The following BCAS1 variants were observed in gnomAD, a reference collection of about 807,000 sequenced individuals.
BCAS1 encodes brain enriched myelin associated protein 1.
BCAS1 carries 46 observed loss-of-function variants against 65.4 expected under a neutral mutation model. The ratio of observed to expected loss-of-function variants is 0.70; its 90% CI spans 0.55 to 0.90. The LOEUF (loss-of-function observed/expected upper bound fraction) is 0.90, where lower values mean the gene tolerates loss of function less well. Among genes scored for constraint, BCAS1 ranks in the 40% least tolerant of loss-of-function variants. The pLI is 0.00. For synonymous variants in BCAS1, 298 were observed against 293.5 expected, an observed-to-expected ratio of 1.02 and a Z score of -0.16; for missense variants, 793 against 771.2, an observed-to-expected ratio of 1.03 and a Z score of -0.33.
intron 4 of BCAS1, among the ~76,000 whole-genome samples, chr20:54,025,964 C>A (rs999305640): frequency 6.6e-6 from 1 of 152,146 alleles, no homozygotes; most frequent in Non-Finnish European, 1.5e-5. Context: ...ATCTGAATAT[C>A]CATAAGTTCA....
chr20:54,015,263 C>T lies in BCAS1; in HGVS notation c.723+13129G>A, dbSNP rs192207501. Among the ~76,000 whole-genome samples, 324 of 152,062 alleles carry T rather than the reference C, an allele frequency of 2.1e-3. 2 individuals carry two copies. Among genetic ancestry groups the T allele is most frequent in the African/African-American group, 7.6e-3 (315 of 41,470 alleles). On this transcript the variant is annotated intron_variant, in intron 4 of 12. Coordinates refer to ENST00000688948, the MANE Select transcript of BCAS1 (RefSeq NM_001366298.2). Reference sequence around the variant, plus strand: ...GCCAGGCTGATCTCAAACTCCTGACCTCAGGTGATCCACCCCCCTTGGCCT... The same window carrying T: ...GCCAGGCTGATCTCAAACTCCTGACTTCAGGTGATCCACCCCCCTTGGCCT...
At position 53,953,660 on chromosome 20, in the gene BCAS1, T is replaced by G. The variant is rs1158100352; in HGVS notation, c.1587A>C (p.Pro529=). Residue 529 remains proline (P), a synonymous_variant, in exon 12 of 13, where the codon CCA becomes CCC. Coordinates refer to ENST00000688948, the MANE Select transcript of BCAS1 (RefSeq NM_001366298.2). ...GTGGTGCTCCTGTTGGTTCAGGCTC[T>G]GGCGGTGTGATAGTCTTTTCTGTGG... ...SDSTEKTITP[P]EPEPTGAPQK... 6.2e-7 allele frequency: 1 copy of G among 1,613,860 alleles called. No individual in the cohort carries two copies. The highest frequency in any genetic ancestry group is 8.5e-7 in the Non-Finnish European group (1 of 1,180,006).
intron 7 of BCAS1, 109 bp downstream of exon 7, chr20:53,992,403 C>G (rs2090783872): frequency 1.1e-6 from 1 of 894,770 alleles, no homozygotes; most frequent in East Asian, 5.5e-5. Flanking sequence ...TGATCCCCAC[C>G]ACCCAAGGCT....
chr20:54,008,213 G>T (rs116431271), intron 4 of BCAS1, among the ~76,000 whole-genome samples: 1,961 of 152,292 alleles, frequency 0.013, 43 homozygotes, highest in African/African-American at 0.045. Flanking sequence ...GACCGTAATA[G>T]GTTATCCCAA....
chr20:53,975,115 T>A (rs1276211808), intron 9 of BCAS1, among the ~76,000 whole-genome samples: 1 of 152,236 alleles, frequency 6.6e-6, no homozygotes, highest in Non-Finnish European at 1.5e-5. Flanking sequence ...TGTTCTTACG[T>A]GTAGTAGACT....
chr20:53,976,234 C>T (rs762934867), intron 8 of BCAS1, among the ~76,000 whole-genome samples: 36 of 152,150 alleles, frequency 2.4e-4, no homozygotes, highest in Non-Finnish European at 5.3e-4. Flanking sequence ...TCTTAAACTT[C>T]TGGATGGATG....
intron 4 of BCAS1, among the ~76,000 whole-genome samples, chr20:54,003,292 G>T: frequency 6.7e-6 from 1 of 148,186 alleles, no homozygotes; most frequent in Non-Finnish European, 1.5e-5. Flanking sequence ...ACACAGAGTA[G>T]ATTCAGGAGA....
rs1314606377 is a variant in BCAS1, at chr20:53,943,905, G to C, written c.*1017C>G. Reference sequence around the variant, plus strand: ...GATACAGTATTACAGGATAAAAATGGGGACCTTGCCGCCCCCTTGTGTTGC... The same window carrying C: ...GATACAGTATTACAGGATAAAAATGCGGACCTTGCCGCCCCCTTGTGTTGC... On this transcript the variant is annotated 3_prime_UTR_variant, in exon 13 of 13. Coordinates refer to ENST00000688948, the MANE Select transcript of BCAS1 (RefSeq NM_001366298.2). The C allele has an allele frequency of 6.6e-6, 1 of 152,114 alleles. No homozygotes were observed. Among genetic ancestry groups the C allele is most frequent in the Non-Finnish European group, 1.5e-5 (1 of 68,016 alleles). 9.4% of individuals were successfully genotyped at this position (152,114 alleles called of 1,614,324 possible). A position where few individuals can be genotyped will look rare whatever the true frequency, so the allele number is the denominator to read the frequency against.
At chr20:54,017,389 TTTTTC>T (rs200468829) in intron 4 of BCAS1, among the ~76,000 whole-genome samples, 2 of 133,188 alleles carry the variant, frequency 1.5e-5, no homozygotes, top group African/African-American at 5.5e-5. Context: ...TGTGTGATTT[TTTTTC>T]TTTTCTTTTT....
In BCAS1 at chr20:53,953,502, T is replaced by G. The variant is rs2089595501; in HGVS notation, c.1745A>C (p.Gln582Pro). 6.2e-7 allele frequency: 1 copy of G among 1,614,082 alleles called. No homozygotes were observed. The highest frequency in any genetic ancestry group is 8.5e-7 in the Non-Finnish European group (1 of 1,180,018). The change falls in exon 12 of 13, where the codon CAG becomes CCG. Residue 582 changes from glutamine (Q) to proline (P), a missense_variant. Gln to Pro is a moderately conservative substitution (Grantham distance 76). Transcript: ENST00000688948. ...TCTCTTTTGGAGCTTGTCCCCATTC[T>G]GCAGTGAGTTCGTGTCCACCGTGGC... ...EQATVDTNSL[Q>P]NGDKLQKRPE... is the part of the protein sequence containing the mutation.
chr20:53,980,017 T>G (rs2090437313), intron 8 of BCAS1, among the ~76,000 whole-genome samples: 1 of 152,156 alleles, frequency 6.6e-6, no homozygotes, highest in African/African-American at 2.4e-5. Context: ...TTTTTAACAC[T>G]GCTAACTAAT....
intron 3 of BCAS1, 100 bp from the exon 4 acceptor site, chr20:54,029,072 T>A: frequency 6.8e-7 from 1 of 1,465,146 alleles, no homozygotes; most frequent in Non-Finnish European, 9.0e-7. Flanking sequence ...CCATACTGCA[T>A]ACTGGAACTG....
At chr20:54,058,873 C>G (rs1422931976) in intron 1 of BCAS1, 150 bp from the exon 2 acceptor site, 3 of 823,256 alleles carry the variant, frequency 3.6e-6, no homozygotes, top group African/African-American at 1.7e-5. Flanking sequence ...AGTCCGTTCT[C>G]ACACTGCTAT....
intron 4 of BCAS1, among the ~76,000 whole-genome samples, chr20:54,015,542 G>C (rs958097348): frequency 6.6e-6 from 1 of 151,978 alleles, no homozygotes; most frequent in African/African-American, 2.4e-5. Flanking sequence ...AAAGAACACA[G>C]ACAGCACAAC....
intron 12 of BCAS1, among the ~76,000 whole-genome samples, chr20:53,948,230 A>G (rs1226441965): frequency 6.6e-6 from 1 of 152,134 alleles, no homozygotes; most frequent in African/African-American, 2.4e-5. Context: ...CGAGGTTTCC[A>G]TCCTTTAGGT....
Position 53,981,502 on chromosome 20 carries a change from C to T in BCAS1, c.1275+3785G>A, listed in dbSNP as rs149652759. Among the ~76,000 whole-genome samples, 1,082 of 151,410 alleles carry T rather than the reference C, an allele frequency of 7.1e-3. 10 individuals are homozygous for T. The highest frequency in any genetic ancestry group is 0.042 in the South Asian group (199 of 4,790). ...ATTGCAAATTTCGTTGTTTCAGAATCGGGTTATAATTCACTGAATATCAGT... is the reference window on the plus strand; with the variant it reads ...ATTGCAAATTTCGTTGTTTCAGAATTGGGTTATAATTCACTGAATATCAGT... On this transcript the variant is annotated intron_variant, in intron 8 of 12. Transcript: ENST00000688948.
At chr20:53,971,058 A>G (rs2090166436) in intron 9 of BCAS1, among the ~76,000 whole-genome samples, 3 of 152,214 alleles carry the variant, frequency 2.0e-5, no homozygotes, top group African/African-American at 7.2e-5. Context: ...ACCAATCAAC[A>G]TGGTCAAGCT....
chr20:53,959,308 C>T (rs2089802274), intron 10 of BCAS1, among the ~76,000 whole-genome samples: 1 of 151,446 alleles, frequency 6.6e-6, no homozygotes, highest in African/African-American at 2.4e-5. Context: ...AGCTGGAGTG[C>T]AGTGGCATGA....
intron 6 of BCAS1, 150 bp from the exon 7 acceptor site, chr20:53,992,796 T>C (rs561292215): frequency 1.5e-6 from 1 of 661,168 alleles, no homozygotes; most frequent in South Asian, 2.0e-5. Flanking sequence ...CCTGTAAATG[T>C]TTATCTTTTT....
Sources: allele counts gnomAD v4.1 joint callset (sites outside exome capture counted in the v4.1 genomes callset), GRCh38; gene constraint gnomAD v4.1.1; transcripts MANE v1.5; gene names NCBI Gene and HGNC (gene_info 2026-07-23, HGNC 2026-07-21).